The following CCNT1 variants were observed in gnomAD, a reference collection of about 807,000 sequenced individuals.
The protein encoded by CCNT1 is cyclin T1.
In CCNT1, 18 loss-of-function variants were observed where a neutral mutation model predicts 67.3. That is an observed-to-expected ratio of 0.27 (90% confidence interval 0.18 to 0.40). The LOEUF is 0.40. CCNT1 is among the 10% of genes least tolerant of loss of function. The pLI, the probability that CCNT1 is intolerant of heterozygous loss-of-function variation, is 1.00. For missense variants in CCNT1, 744 were observed against 884.9 expected (o/e 0.84, Z 2.02); for synonymous variants, 333 against 310.3 (o/e 1.07, Z -0.77).
At chr12:48,697,534 AATATAT>A (rs771889041) in intron 6 of CCNT1, among the ~76,000 whole-genome samples, 20 of 130,682 alleles carry the variant, frequency 1.5e-4, no homozygotes, top group African/African-American at 3.9e-4. Flanking sequence ...AAAAAAAAAA[AATATAT>A]ATATATATAT....
Position 48,693,144 on chromosome 12 carries a change from A to G in CCNT1, c.2070T>C (p.Tyr690=), listed in dbSNP as rs759526915. The change falls in exon 9 of 9, where the codon TAT becomes TAC. Residue 690 remains tyrosine, a synonymous_variant. Transcript: ENST00000261900. ...AFEFVRPYSD[Y]LNPRSGGISS... is the part of the protein sequence containing the mutation. ...AGATTCCACCAGACCGAGGATTCAG[A>G]TAGTCACTATAAGGACGAACAAATT... 6 of 1,614,194 alleles carry G rather than the reference A, an allele frequency of 3.7e-6. No homozygotes were observed. The South Asian group carries it at 6.6e-5, about 18-fold the overall frequency.
At position 48,694,069 on chromosome 12, in the gene CCNT1, A is replaced by G; in HGVS notation, c.1145T>C (p.Val382Ala). The G allele has an allele frequency of 6.2e-7, 1 of 1,614,230 alleles. No individual in the cohort carries two copies. The highest frequency in any genetic ancestry group is 8.5e-7 in the Non-Finnish European group (1 of 1,180,044). The change falls in exon 9 of 9, where the codon GTG becomes GCG. Residue 382 changes from valine (V) to alanine (A), a missense_variant. By Grantham distance (64) the Val-to-Ala change is moderately conservative. Transcript: ENST00000261900. ...TTTCAGTGACACTTTAGCTGATGGC[A>G]CACTCTTACTATTCTGCTTCTGGGA... ...FISQKQNSKS[V>A]PSAKVSLKEY... is the part of the protein sequence containing the mutation.
At chr12:48,697,989 T>A in intron 6 of CCNT1, 149 bp downstream of exon 6, 1 of 497,746 alleles carries the variant, frequency 2.0e-6, no homozygotes, top group South Asian at 5.3e-5. Context: ...CCTTAGAAAA[T>A]TAAAAAGTAC....
rs755892276 is a variant in CCNT1 at position 48,705,908 on chromosome 12, G to T, written c.244-12C>A. The T allele has an allele frequency of 6.2e-5, 100 of 1,603,718 alleles. No individual in the cohort carries two copies. The highest frequency in any genetic ancestry group is 8.2e-5 in the Non-Finnish European group (96 of 1,176,760). On this transcript the variant is annotated splice_polypyrimidine_tract_variant and intron_variant, in intron 2 of 8. Transcript: ENST00000261900. The stretch of plus-strand genomic sequence containing the variant: ...GCTGGAGCCACAGACTGAATGGAGA[G>T]AAAATAAATCATATTTATTATCAAT...
At chr12:48,707,414 C>G (rs1345272739) in intron 2 of CCNT1, among the ~76,000 whole-genome samples, 1 of 151,612 alleles carries the variant, frequency 6.6e-6, no homozygotes, top group East Asian at 1.9e-4. Context: ...TTCGAAGTAG[C>G]TGGGATCACA....
At chr12:48,708,043 G>C (rs1476895097) in intron 2 of CCNT1, among the ~76,000 whole-genome samples, 1 of 151,984 alleles carries the variant, frequency 6.6e-6, no homozygotes, top group Non-Finnish European at 1.5e-5. Context: ...ACTCCAGCCT[G>C]GGCAACAGAG....
At position 48,699,662 on chromosome 12, in the gene CCNT1, C is replaced by T. The variant is rs1940232905; in HGVS notation, c.496+116G>A. ...TCAGAACAACTCATTTTGATTTAAG[C>T]CAAGTAGGCCTTTAAATTTAGCCAA... is the stretch of plus-strand genomic sequence containing the variant. On this transcript the variant is annotated intron_variant, in intron 5 of 8. Coordinates refer to ENST00000261900, the MANE Select transcript of CCNT1 (RefSeq NM_001240.4). The T allele has an allele frequency of 8.3e-6, 5 of 601,672 alleles. No individual in the cohort carries two copies. In the South Asian group the frequency reaches 1.4e-4, roughly 17 times the overall value. The allele number at this position is 601,672 out of a possible 1,614,324, so 37.3% of individuals were successfully genotyped here. A position where few individuals can be genotyped will look rare whatever the true frequency, so the allele number is the denominator to read the frequency against.
chr12:48,698,986 G>T (rs1358377556), intron 5 of CCNT1, among the ~76,000 whole-genome samples: 3 of 151,522 alleles, frequency 2.0e-5, no homozygotes, highest in Admixed American at 6.6e-5. Context: ...TAATTAAGTA[G>T]CCCTAATTAA....
intron 3 of CCNT1, among the ~76,000 whole-genome samples, chr12:48,705,281 T>TTTTTTG (rs1940337168): frequency 6.6e-6 from 1 of 150,836 alleles, no homozygotes; most frequent in African/African-American, 2.4e-5. Context: ...CCAGTTGTTT[T>TTTTTTG]TTGTTGTTGT....
chr12:48,716,416 C>T (rs568201590), intron 1 of CCNT1, 99 bp downstream of exon 1: 8 of 1,157,746 alleles, frequency 6.9e-6, no homozygotes, highest in Non-Finnish European at 9.7e-6. Flanking sequence ...TTCTGCCCAC[C>T]TTCTTCCCCA....
chr12:48,696,403 C>A (rs1274625962), intron 6 of CCNT1, among the ~76,000 whole-genome samples: 1 of 149,922 alleles, frequency 6.7e-6, no homozygotes, highest in African/African-American at 2.5e-5. Context: ...ATCACTTAAT[C>A]TACACATTGA....
Position 48,693,839 on chromosome 12 carries a change from C to G in CCNT1, c.1375G>C (p.Ala459Pro). ...GCCACTGGGATTCTCATTTTGAGAG[C>G]TGTTTTGTCAGCCTTTTCCAGAAAA... The part of the protein sequence containing the change: ...RPFLEKADKT[A>P]LKMRIPVAGG... Residue 459 changes from alanine (A) to proline (P), a missense_variant, in exon 9 of 9, where the codon GCT becomes CCT. Ala to Pro is a conservative substitution (Grantham distance 27). Transcript: ENST00000261900. 1 of 1,614,078 alleles carries G rather than the reference C, an allele frequency of 6.2e-7. No individual in the cohort carries two copies. The highest frequency in any genetic ancestry group is 1.1e-5 in the South Asian group (1 of 91,084).
intron 4 of CCNT1, 138 bp downstream of exon 4, chr12:48,700,875 T>TAC: frequency 1.8e-6 from 1 of 551,904 alleles, no homozygotes; most frequent in Non-Finnish European, 3.3e-6. Context: ...AACTCAGGTC[T>TAC]ACAACCTCTA....
At chr12:48,700,090 C>T (rs1393080072) in intron 4 of CCNT1, among the ~76,000 whole-genome samples, 4 of 151,866 alleles carry the variant, frequency 2.6e-5, no homozygotes, top group South Asian at 4.2e-4. Context: ...GAGGCCGAGG[C>T]GAGCGGATCA....
At chr12:48,698,262 A>G (rs1211714829) in intron 5 of CCNT1, 79 bp from the exon 6 acceptor site, 8 of 1,050,872 alleles carry the variant, frequency 7.6e-6, no homozygotes, top group Non-Finnish European at 1.1e-5. Flanking sequence ...AATATTTAGT[A>G]AGCATTTAAT....
chr12:48,694,294 G>A lies in CCNT1; in HGVS notation c.920C>T (p.Thr307Ile), dbSNP rs775736756. 1 of 1,614,246 alleles carries A rather than the reference G, an allele frequency of 6.2e-7. No homozygotes were observed. Among genetic ancestry groups the A allele is most frequent in the Non-Finnish European group, 8.5e-7 (1 of 1,180,042 alleles). The change falls in exon 9 of 9, where the codon ACA becomes ATA. Residue 307 changes from threonine (T) to isoleucine (I), a missense_variant. Transcript: ENST00000261900. ...AGLMSMSTSTTSAVPSLPVSE... is the reference protein window; with the variant it reads ...AGLMSMSTSTISAVPSLPVSE... ...GACTGGCAGGGAAGGCACTGCACTTGTGGTAGAAGTTGACATGCTCATTAA... is the reference window on the plus strand; with the variant it reads ...GACTGGCAGGGAAGGCACTGCACTTATGGTAGAAGTTGACATGCTCATTAA...
chr12:48,715,167 G>A (rs1005850315), intron 1 of CCNT1, among the ~76,000 whole-genome samples: 1 of 152,188 alleles, frequency 6.6e-6, no homozygotes, highest in African/African-American at 2.4e-5. Context: ...AGGATGCACT[G>A]AAATAGAATT....
chr12:48,693,401 G>A lies in CCNT1; in HGVS notation c.1813C>T (p.Pro605Ser), dbSNP rs1236111564. 1 of 1,614,210 alleles carries A rather than the reference G, an allele frequency of 6.2e-7. No individual in the cohort carries two copies. The highest frequency in any genetic ancestry group is 8.5e-7 in the Non-Finnish European group (1 of 1,180,036). Reference protein sequence around the residue: ...TKSSSLNFSFPSLPTMGQMPG... With the variant: ...TKSSSLNFSFSSLPTMGQMPG... ...ATCTGACCCATTGTAGGAAGTGAAG[G>A]GAAGGAGAAATTTAGGGAAGAGGAT... The change falls in exon 9 of 9, where the codon CCT (proline) becomes TCT (serine). Residue 605 changes from proline to serine, a missense_variant. Pro to Ser is a moderately conservative substitution (Grantham distance 74). Transcript: ENST00000261900.
intron 6 of CCNT1, among the ~76,000 whole-genome samples, chr12:48,696,513 A>G (rs1459847329): frequency 6.6e-6 from 1 of 152,088 alleles, no homozygotes; most frequent in African/African-American, 2.4e-5. Flanking sequence ...CTAGAAGTCA[A>G]TATTTATTAC....
Sources: allele counts gnomAD v4.1 joint callset (sites outside exome capture counted in the v4.1 genomes callset), GRCh38; gene constraint gnomAD v4.1.1; transcripts MANE v1.5; gene names NCBI Gene and HGNC (gene_info 2026-07-23, HGNC 2026-07-21).